The following ZYG11B variants were observed in gnomAD, a reference collection of about 807,000 sequenced individuals.
ZYG11B encodes the protein zyg-11 family member B, cell cycle regulator.
Under a neutral mutation model 82.4 loss-of-function variants are expected in ZYG11B, and 36 were observed. That is an observed-to-expected ratio of 0.44 (90% confidence interval 0.33 to 0.58). ZYG11B has a LOEUF of 0.58. ZYG11B is among the 20% of genes least tolerant of loss of function. The pLI, the probability that ZYG11B is intolerant of heterozygous loss-of-function variation, is 0.02. For missense variants in ZYG11B, 552 were observed against 895.6 expected (o/e 0.62, Z 4.90); for synonymous variants, 303 against 312.8 (o/e 0.97, Z 0.33).
chr1:52,807,293 T>C (rs1220547428), intron 10 of ZYG11B, among the ~76,000 whole-genome samples: 2 of 151,638 alleles, frequency 1.3e-5, no homozygotes, highest in African/African-American at 2.4e-5. Flanking sequence ...TGAGGCACCA[T>C]CCCAGCCCAA....
intron 1 of ZYG11B, among the ~76,000 whole-genome samples, chr1:52,751,545 A>G (rs1327248156): frequency 1.3e-5 from 2 of 151,966 alleles, no homozygotes; most frequent in Admixed American, 6.6e-5. Context: ...CAGGAGAATC[A>G]CTGGAACCTG....
At chr1:52,803,123 C>CATATATATATATAT (rs1313356218) in intron 10 of ZYG11B, among the ~76,000 whole-genome samples, 2 of 53,652 alleles carry the variant, frequency 3.7e-5, no homozygotes, top group Non-Finnish European at 5.7e-5. Flanking sequence ...TATATACACA[C>CATATATATATATAT]ATATATATAT....
intron 2 of ZYG11B, among the ~76,000 whole-genome samples, chr1:52,757,153 G>C (rs778274208): frequency 2.1e-4 from 32 of 151,884 alleles, no homozygotes; most frequent in Non-Finnish European, 3.8e-4. Context: ...TTCCTGAGTA[G>C]CTGGGACTAT....
chr1:52,777,920 A>T (rs1206806956), intron 3 of ZYG11B, among the ~76,000 whole-genome samples: 2 of 152,200 alleles, frequency 1.3e-5, no homozygotes, highest in East Asian at 3.8e-4. Flanking sequence ...TTGTAAAATA[A>T]AACAGAGACA....
chr1:52,749,889 G>C (rs1309941296), intron 1 of ZYG11B, among the ~76,000 whole-genome samples: 1 of 151,900 alleles, frequency 6.6e-6, no homozygotes, highest in Non-Finnish European at 1.5e-5. Context: ...ATATTTCCCT[G>C]GTGTCCTTCA....
rs1644755799 is a variant in ZYG11B at position 52,771,987 on chromosome 1, ATAT to A, written c.951+218_951+220del. On this transcript the variant is annotated intron_variant, in intron 3 of 13. Transcript: ENST00000294353. This position sits in a 1 kb window ranked among gnomAD's most constrained non-coding sequence, Gnocchi z 5.4. ...GAGTTTTTATTTATTTGTAGAATAG[ATAT>A]TATTCTTACCTTGCAGAATTCTGAA... 6.6e-6 allele frequency among the ~76,000 whole-genome samples: 1 copy of A among 152,208 alleles called. No homozygotes were observed. The highest frequency in any genetic ancestry group is 1.5e-5 in the Non-Finnish European group (1 of 68,044).
intron 10 of ZYG11B, among the ~76,000 whole-genome samples, chr1:52,809,253 A>G (rs1645164817): frequency 6.6e-6 from 1 of 152,226 alleles, no homozygotes; most frequent in Admixed American, 6.5e-5. Context: ...TTGTAGAACC[A>G]TCACTACCAC....
At chr1:52,742,165 A>T (rs1289116200) in intron 1 of ZYG11B, among the ~76,000 whole-genome samples, 1 of 152,142 alleles carries the variant, frequency 6.6e-6, no homozygotes, top group East Asian at 1.9e-4. Flanking sequence ...CCTGATTCTT[A>T]TGAGTTGAGA....
At chr1:52,783,878 G>GTA (rs1644883490) in intron 4 of ZYG11B, among the ~76,000 whole-genome samples, 1 of 107,502 alleles carries the variant, frequency 9.3e-6, no homozygotes, top group Admixed American at 8.5e-5. Flanking sequence ...ATACACGTGT[G>GTA]TGTATATGTA....
intron 3 of ZYG11B, among the ~76,000 whole-genome samples, chr1:52,776,121 A>G (rs1644803372): frequency 6.7e-6 from 1 of 149,610 alleles, no homozygotes; most frequent in Non-Finnish European, 1.5e-5. Context: ...TAGGAGGCTG[A>G]GGCAGGAGAA....
At chr1:52,748,372 T>C (rs1301492236) in intron 1 of ZYG11B, among the ~76,000 whole-genome samples, 1 of 152,068 alleles carries the variant, frequency 6.6e-6, no homozygotes, top group Non-Finnish European at 1.5e-5. Context: ...CAGTTTACTT[T>C]TGTTCAAAAC....
intron 1 of ZYG11B, among the ~76,000 whole-genome samples, chr1:52,728,051 T>G (rs1471969221): frequency 6.6e-6 from 1 of 152,202 alleles, no homozygotes; most frequent in Non-Finnish European, 1.5e-5. Context: ...GTTTGTCTCC[T>G]TCACTTTCAC....
intron 6 of ZYG11B, among the ~76,000 whole-genome samples, chr1:52,793,944 C>G (rs1644985014): frequency 7.3e-6 from 1 of 136,278 alleles, no homozygotes; most frequent in African/African-American, 3.0e-5. Context: ...TGTTTTCTTC[C>G]TTTCCCTTCC....
intron 1 of ZYG11B, among the ~76,000 whole-genome samples, chr1:52,737,289 T>C (rs574074319): frequency 2.6e-4 from 40 of 152,324 alleles, no homozygotes; most frequent in African/African-American, 8.2e-4. Context: ...TGTATGCCTC[T>C]CCTGTACAGT....
chr1:52,809,784 AT>A (rs1645168209), intron 10 of ZYG11B, among the ~76,000 whole-genome samples: 2 of 152,032 alleles, frequency 1.3e-5, no homozygotes, highest in Admixed American at 1.3e-4. Context: ...GTATATTTGT[AT>A]GGGTTTATTG....
intron 1 of ZYG11B, among the ~76,000 whole-genome samples, chr1:52,751,591 C>G (rs1452438836): frequency 1.3e-5 from 2 of 152,106 alleles, no homozygotes; most frequent in Non-Finnish European, 2.9e-5. Flanking sequence ...CAAGATTACA[C>G]CACTGCACTC....
rs557076752 is a variant in ZYG11B at position 52,818,589 on chromosome 1, A to G, written c.2044+1960A>G. Among the ~76,000 whole-genome samples the G allele has an allele frequency of 2.6e-5, 4 of 152,274 alleles. No individual in the cohort carries two copies. In the South Asian group the frequency reaches 8.3e-4, roughly 32 times the overall value. ...AGTAAAAAGCGACATGGTTCTCCAT[A>G]TAAGAGGGAAACATTCCATATCCTT... is the stretch of plus-strand genomic sequence containing the variant. On this transcript the variant is annotated intron_variant, in intron 13 of 13. Coordinates refer to ENST00000294353, the MANE Select transcript of ZYG11B (RefSeq NM_024646.3).
chr1:52,742,856 A>G (rs1387003168), intron 1 of ZYG11B, among the ~76,000 whole-genome samples: 2 of 149,142 alleles, frequency 1.3e-5, no homozygotes, highest in Admixed American at 6.6e-5. Flanking sequence ...AAAAAAAAAA[A>G]GAGTCAAAAA....
chr1:52,747,271 A>G (rs1644485104), intron 1 of ZYG11B, among the ~76,000 whole-genome samples: 1 of 150,608 alleles, frequency 6.6e-6, no homozygotes, highest in Non-Finnish European at 1.5e-5. Context: ...ACTACATTTC[A>G]TCAGTTCTTT....
Sources: gnomAD v4.1 joint callset for allele counts (sites outside exome capture counted in the v4.1 genomes callset) on GRCh38, gnomAD v4.1.1 for gene constraint, Gnocchi (gnomAD v3.1) non-coding constraint, MANE v1.5 for transcripts, NCBI Gene and HGNC (gene_info 2026-07-23, HGNC 2026-07-21) for gene names.